LGR5: variants seen among roughly 807,000 people sequenced by gnomAD.
LGR5 encodes leucine rich repeat containing G protein-coupled receptor 5.
Under a neutral mutation model 76.7 loss-of-function variants are expected in LGR5, and 54 were observed. The observed-to-expected ratio is 0.70, with a 90% CI of 0.57 to 0.88. The LOEUF (loss-of-function observed/expected upper bound fraction) is 0.88. Ranked by LOEUF, LGR5 falls within the 40% of genes least tolerant of loss-of-function variation. The pLI, the probability that LGR5 is intolerant of heterozygous loss-of-function variation, is 0.00. For synonymous variants in LGR5, 406 were observed against 421.9 expected (o/e 0.96, Z 0.46); for missense variants, 1,078 against 1,073.3 (o/e 1.00, Z -0.06).
At chr12:71,526,881 C>G (rs537288794) in intron 3 of LGR5, among the ~76,000 whole-genome samples, 162 of 152,092 alleles carry the variant, frequency 1.1e-3, no homozygotes, top group African/African-American at 3.3e-3. Flanking sequence ...ACTGAGGGGA[C>G]AATACGTACA....
intron 1 of LGR5, among the ~76,000 whole-genome samples, chr12:71,443,088 C>T (rs1176990341): frequency 6.6e-6 from 1 of 151,962 alleles, no homozygotes; most frequent in African/African-American, 2.4e-5. Context: ...ATGTTATCAC[C>T]CAATCCCCTT....
chr12:71,510,110 A>G (rs1360717944), intron 2 of LGR5, among the ~76,000 whole-genome samples: 1 of 152,194 alleles, frequency 6.6e-6, no homozygotes, highest in Non-Finnish European at 1.5e-5. Context: ...TTGGTAAACT[A>G]TAATCCACAT....
At chr12:71,454,062 G>C (rs992900510) in intron 1 of LGR5, among the ~76,000 whole-genome samples, 2 of 152,094 alleles carry the variant, frequency 1.3e-5, no homozygotes, top group Non-Finnish European at 2.9e-5. Context: ...GGAGAAGAGA[G>C]CTAGGTGAGC....
chr12:71,575,812 A>G (rs750279658), intron 13 of LGR5, among the ~76,000 whole-genome samples: 10 of 152,074 alleles, frequency 6.6e-5, no homozygotes, highest in Non-Finnish European at 1.5e-4. Context: ...AGCACTATTC[A>G]CAATAGCAAA....
intron 1 of LGR5, among the ~76,000 whole-genome samples, chr12:71,475,817 G>A (rs1298964151): frequency 6.6e-6 from 1 of 152,172 alleles, no homozygotes; most frequent in African/African-American, 2.4e-5. Flanking sequence ...TAAGATCTAG[G>A]AGAGATTTTT....
Position 71,584,039 on chromosome 12 carries a change from C to T in LGR5, c.2029C>T (p.Pro677Ser). 5 of 1,614,182 alleles carry T rather than the reference C, an allele frequency of 3.1e-6. No homozygotes were observed. The highest frequency in any genetic ancestry group is 4.2e-6 in the Non-Finnish European group (5 of 1,180,042). The change falls in exon 18 of 18, where the codon CCA becomes TCA. Residue 677 changes from proline (P) to serine (S), a missense_variant. Physicochemically the swap from Pro to Ser is moderately conservative, Grantham distance 74 (BLOSUM62 -1). Transcript: ENST00000266674. ...KYSAKFETKA[P>S]FSSLKVIILL... is the part of the protein sequence containing the mutation. ...TTCTGCAAAATTTGAAACGAAAGCT[C>T]CATTTTCTAGCCTGAAAGTAATCAT... is the stretch of plus-strand genomic sequence containing the variant.
At chr12:71,513,579 T>C (rs1875277992) in intron 2 of LGR5, among the ~76,000 whole-genome samples, 1 of 152,236 alleles carries the variant, frequency 6.6e-6, no homozygotes, top group African/African-American at 2.4e-5. Context: ...TTCTGCCATC[T>C]GTAAATGGAG....
In LGR5 at chr12:71,440,326, A is replaced by G; in HGVS notation, c.212+34A>G. On this transcript the variant is annotated intron_variant, in intron 1 of 17. Transcript: ENST00000266674. This position sits in a 1 kb window ranked among gnomAD's most constrained non-coding sequence, Gnocchi z 5.3. ...TTCCCCACGTCACTCCGGGAGAGAG[A>G]CTAAGAGGGGAAGGAAGGTTCGTCC... is the stretch of plus-strand genomic sequence containing the variant. 1 of 1,586,570 alleles carries G rather than the reference A, an allele frequency of 6.3e-7. No homozygotes were observed. The highest frequency in any genetic ancestry group is 1.7e-5 in the Admixed American group (1 of 59,930).
chr12:71,551,624 C>T (rs948553003), intron 4 of LGR5, among the ~76,000 whole-genome samples: 1 of 152,140 alleles, frequency 6.6e-6, no homozygotes, highest in Non-Finnish European at 1.5e-5. Context: ...TCTTACAGAA[C>T]ATTGCAAACG....
intron 3 of LGR5, among the ~76,000 whole-genome samples, chr12:71,524,722 T>G (rs905356387): frequency 5.3e-5 from 8 of 152,214 alleles, no homozygotes; most frequent in Non-Finnish European, 1.2e-4. Context: ...AATAACTACC[T>G]TATCAACTCA....
At position 71,439,935 on chromosome 12, in the gene LGR5, G is replaced by T. The variant is rs1292800059; in HGVS notation, c.-146G>T. 2 of 680,634 alleles carry T rather than the reference G, an allele frequency of 2.9e-6. No homozygotes were observed. The highest frequency in any genetic ancestry group is 4.7e-6 in the Non-Finnish European group (2 of 427,266). The allele number at this position is 680,634 out of a possible 1,614,324, so 42.2% of individuals were successfully genotyped here. On this transcript the variant is annotated 5_prime_UTR_variant, in exon 1 of 18. Coordinates refer to ENST00000266674, the MANE Select transcript of LGR5 (RefSeq NM_003667.4). ...CGCGCTTCTCCTCGCCGCCCACGCC[G>T]TGGGGTCAGGAACGCGGCGTCTGGC...
chr12:71,450,997 C>T (rs575143277), intron 1 of LGR5, among the ~76,000 whole-genome samples: 63 of 152,298 alleles, frequency 4.1e-4, no homozygotes, highest in African/African-American at 1.4e-3. Flanking sequence ...TGCCAATCCC[C>T]CCTCCCTAGC....
chr12:71,499,438 T>C (rs867303121), intron 1 of LGR5, among the ~76,000 whole-genome samples: 1 of 151,980 alleles, frequency 6.6e-6, no homozygotes, highest in Non-Finnish European at 1.5e-5. Context: ...TAAAGACACA[T>C]GCAAAGGGAA....
chr12:71,514,023 T>C (rs1875302684), intron 2 of LGR5, among the ~76,000 whole-genome samples: 2 of 152,162 alleles, frequency 1.3e-5, no homozygotes, highest in African/African-American at 4.8e-5. Flanking sequence ...GGTGCGTACC[T>C]GTAGTCCCAG....
intron 15 of LGR5, among the ~76,000 whole-genome samples, chr12:71,579,261 C>T (rs910049903): frequency 2.0e-5 from 3 of 152,176 alleles, no homozygotes; most frequent in Non-Finnish European, 4.4e-5. Context: ...CTCTTGTTTA[C>T]AATTTTTAAT....
At chr12:71,484,935 T>C (rs12830984) in intron 1 of LGR5, among the ~76,000 whole-genome samples, 13,610 of 152,230 alleles carry the variant, frequency 0.089, 640 homozygotes, top group Non-Finnish European at 0.11. Flanking sequence ...ATGCTATTAA[T>C]ATAACCATTT....
chr12:71,505,887 C>CT (rs1247534467), intron 2 of LGR5, among the ~76,000 whole-genome samples: 10 of 151,836 alleles, frequency 6.6e-5, no homozygotes, highest in Non-Finnish European at 1.3e-4. Flanking sequence ...GGTCCCAGGC[C>CT]TTTTTTTTCC....
At position 71,544,117 on chromosome 12, in the gene LGR5, G is replaced by A. The variant is rs925791238; in HGVS notation, c.428+8931G>A. On this transcript the variant is annotated intron_variant, in intron 4 of 17. Transcript: ENST00000266674. ...TTGGAGTCTTGCACTCCTCAAAGAC[G>A]CCAGAGAGACAGAGGTTTGGTTCCT... Among the ~76,000 whole-genome samples, 12 of 152,152 alleles carry A rather than the reference G, an allele frequency of 7.9e-5. No homozygotes were observed. The East Asian group carries it at 2.1e-3, about 27-fold the overall frequency.
chr12:71,562,008 C>T (rs1878085223), intron 8 of LGR5, among the ~76,000 whole-genome samples, 156 bp downstream of exon 8: 2 of 152,168 alleles, frequency 1.3e-5, no homozygotes, highest in Non-Finnish European at 2.9e-5. Context: ...TTGCCAGGTT[C>T]TAGCTGAACA....
Sources: allele counts gnomAD v4.1 joint callset (sites outside exome capture counted in the v4.1 genomes callset), GRCh38; gene constraint gnomAD v4.1.1; non-coding constraint Gnocchi (gnomAD v3.1); transcripts MANE v1.5; gene names NCBI Gene and HGNC (gene_info 2026-07-23, HGNC 2026-07-21).